Variants in MID1 observed in about 807,000 individuals in gnomAD.
MID1 encodes E3 ubiquitin-protein ligase Midline-1.
Under a neutral mutation model 40.4 loss-of-function variants are expected in MID1, and 7 were observed. The observed-to-expected ratio is 0.17, with a 90% CI of 0.10 to 0.33. The LOEUF (loss-of-function observed/expected upper bound fraction) is 0.33, where lower values mean the gene tolerates loss of function less well. Ranked by LOEUF, MID1 falls within the 10% of genes least tolerant of loss-of-function variation. The probability of loss-of-function intolerance (pLI) is 1.00; values close to 1 mark genes in which losing one functional copy is unlikely to be tolerated. For synonymous variants in MID1, 229 were observed against 221.2 expected (o/e 1.04, Z -0.31); for missense variants, 367 against 558.5 (o/e 0.66, Z 3.46).
chrX:10,519,987 AG>A (rs1932629770), intron 3 of MID1, among the ~76,000 whole-genome samples: 1 of 112,353 alleles, frequency 8.9e-6, no homozygotes, highest in African/African-American at 3.2e-5. Flanking sequence ...TTACACTGAT[AG>A]GATCTTTCTG....
At chrX:10,562,166 A>G (rs1934364917) in intron 2 of MID1, among the ~76,000 whole-genome samples, 1 of 105,128 alleles carries the variant, frequency 9.5e-6, no homozygotes, top group Admixed American at 9.9e-5. Flanking sequence ...TGGAAGTTGA[A>G]CAATGAGAAC....
intron 1 of MID1, among the ~76,000 whole-genome samples, chrX:10,827,219 C>T (rs185953042): frequency 6.1e-4 from 68 of 111,016 alleles, no homozygotes; most frequent in Admixed American, 5.8e-3. Context: ...TTAACCCAGC[C>T]GATATTGGGA....
At chrX:10,613,597 C>CCATTTCGTAAT (rs1449380629) in intron 1 of MID1, among the ~76,000 whole-genome samples, 1 of 102,647 alleles carries the variant, frequency 9.7e-6, no homozygotes, top group Non-Finnish European at 2.0e-5. Flanking sequence ...AGGGCATGAC[C>CCATTTCGTAAT]CATTTCGTAA....
chrX:10,699,111 A>G (rs653168), intron 1 of MID1, among the ~76,000 whole-genome samples: 2,432 of 111,884 alleles, frequency 0.022, 31 homozygotes, highest in Non-Finnish European at 0.034. Context: ...GAGATCCCCA[A>G]TGCTTATATG....
intron 5 of MID1, among the ~76,000 whole-genome samples, chrX:10,480,708 A>G (rs985002111): frequency 8.9e-6 from 1 of 112,006 alleles, no homozygotes; most frequent in Admixed American, 9.5e-5. Context: ...GGAGGAGAGC[A>G]TCTTAAGTAC....
chrX:10,798,261 C>G (rs1193090518), intron 1 of MID1, among the ~76,000 whole-genome samples: 2 of 112,228 alleles, frequency 1.8e-5, no homozygotes, highest in Non-Finnish European at 3.8e-5. Flanking sequence ...TGCTATAGTA[C>G]TTGTCACATT....
intron 7 of MID1, among the ~76,000 whole-genome samples, chrX:10,465,254 C>CACACAG (rs1556005795): frequency 1.0e-5 from 1 of 96,825 alleles, no homozygotes; most frequent in East Asian, 3.1e-4. Flanking sequence ...CACACACACA[C>CACACAG]ACACACATAC....
chrX:10,764,300 G>A (rs775583277), intron 1 of MID1, among the ~76,000 whole-genome samples: 18 of 111,505 alleles, frequency 1.6e-4, no homozygotes, highest in East Asian at 8.5e-4. Context: ...ATGGTTTTAC[G>A]TCTTACATTT....
At chrX:10,530,412 G>A (rs1184598583) in intron 2 of MID1, among the ~76,000 whole-genome samples, 1 of 112,060 alleles carries the variant, frequency 8.9e-6, no homozygotes. Context: ...ATACCTGTGG[G>A]CAGATTTAGT....
intron 1 of MID1, among the ~76,000 whole-genome samples, chrX:10,746,682 T>C (rs1263823486): frequency 9.0e-6 from 1 of 110,950 alleles, no homozygotes; most frequent in Non-Finnish European, 1.9e-5. Context: ...TCTGTCCATC[T>C]AGGGGCAAAA....
intron 1 of MID1, among the ~76,000 whole-genome samples, chrX:10,582,195 CT>C (rs754151932): frequency 3.6e-5 from 4 of 111,383 alleles, no homozygotes; most frequent in East Asian, 5.6e-4. Context: ...AAATCTGAAT[CT>C]TTTATAATGG....
intron 1 of MID1, among the ~76,000 whole-genome samples, chrX:10,569,100 C>T (rs1934653961): frequency 8.9e-6 from 1 of 112,132 alleles, no homozygotes; most frequent in Admixed American, 9.4e-5. Flanking sequence ...TTACAAAATT[C>T]ACGGTTTCTA....
At chrX:10,730,204 T>G (rs2043434979) in intron 1 of MID1, among the ~76,000 whole-genome samples, 2 of 111,617 alleles carry the variant, frequency 1.8e-5, no homozygotes, top group Admixed American at 1.9e-4. Context: ...AGTATAGATT[T>G]GAATACAAAT....
chrX:10,810,454 A>G (rs1328306445), intron 1 of MID1, among the ~76,000 whole-genome samples: 1 of 111,868 alleles, frequency 8.9e-6, no homozygotes, highest in Non-Finnish European at 1.9e-5. Flanking sequence ...CTTTTTGGCT[A>G]TTGTGAATAA....
chrX:10,751,325 T>C (rs937031377), intron 1 of MID1, among the ~76,000 whole-genome samples: 3 of 109,155 alleles, frequency 2.7e-5, no homozygotes, highest in Non-Finnish European at 3.8e-5. Context: ...GTGTACACTG[T>C]TTCACTTAGA....
intron 1 of MID1, among the ~76,000 whole-genome samples, chrX:10,625,715 G>A (rs1234884688): frequency 8.9e-6 from 1 of 111,897 alleles, no homozygotes; most frequent in Non-Finnish European, 1.9e-5. Context: ...TCAATCAAAT[G>A]TCAGAATATA....
At chrX:10,538,779 T>C (rs1016024288) in intron 2 of MID1, among the ~76,000 whole-genome samples, 10 of 112,112 alleles carry the variant, frequency 8.9e-5, no homozygotes, top group African/African-American at 2.9e-4. Flanking sequence ...TCTTAACATC[T>C]AGCGGGTTGG....
intron 1 of MID1, among the ~76,000 whole-genome samples, chrX:10,683,918 G>A (rs2043076694): frequency 9.4e-6 from 1 of 106,426 alleles, no homozygotes; most frequent in African/African-American, 3.4e-5. Flanking sequence ...CTACAGGCAT[G>A]TGCACGACAT....
intron 1 of MID1, among the ~76,000 whole-genome samples, chrX:10,590,965 G>A (rs1283565831): frequency 9.0e-6 from 1 of 111,568 alleles, no homozygotes; most frequent in Non-Finnish European, 1.9e-5. Flanking sequence ...TCATTGAAAT[G>A]CATTTTAAGT....
Sources: allele counts gnomAD v4.1 joint callset (sites outside exome capture counted in the v4.1 genomes callset), GRCh38; gene constraint gnomAD v4.1.1; transcripts MANE v1.5; gene names NCBI Gene and HGNC (gene_info 2026-07-23, HGNC 2026-07-21).